Variants in PHF24 observed in about 807,000 individuals in gnomAD.
PHF24 encodes PHD finger protein 24, also known as Galpha inhibitory interacting protein.
PHF24 carries 25 observed loss-of-function variants against 42.6 expected under a neutral mutation model. The observed-to-expected ratio is 0.59, with a 90% CI of 0.43 to 0.82. PHF24 has a LOEUF of 0.82. Among genes scored for constraint, PHF24 ranks in the 40% least tolerant of loss-of-function variants. The probability of loss-of-function intolerance (pLI) is 0.00; values close to 1 mark genes in which losing one functional copy is unlikely to be tolerated. For missense variants in PHF24, 470 were observed against 538.1 expected, an observed-to-expected ratio of 0.87 and a Z score of 1.25; for synonymous variants, 185 against 204.8, an observed-to-expected ratio of 0.90 and a Z score of 0.83.
At chr9:34,766,208 TG>T in the PHF24 span, among the ~76,000 whole-genome samples, 163 of 152,330 alleles carry the variant, frequency 1.1e-3, 3 homozygotes, top group African/African-American at 3.8e-3. Context: ...ATGGTATCTT[TG>T]TGGTGTTCTC....
At chr9:34,768,253 C>A in the PHF24 span, among the ~76,000 whole-genome samples, 4 of 152,172 alleles carry the variant, frequency 2.6e-5, no homozygotes. Flanking sequence ...TAGGGCTATC[C>A]CATGCAAGCT....
chr9:34,766,599 C>T, the PHF24 span, among the ~76,000 whole-genome samples: 8 of 152,154 alleles, frequency 5.3e-5, no homozygotes, highest in African/African-American at 1.7e-4. Flanking sequence ...GTTATACATT[C>T]GTCTAAATTT....
At chr9:34,936,937 G>GTGGGGGTC in the PHF24 span, among the ~76,000 whole-genome samples, 1 of 148,744 alleles carries the variant, frequency 6.7e-6, no homozygotes, top group African/African-American at 2.5e-5. Flanking sequence ...GGGAAGTGAG[G>GTGGGGGTC]AGCGTCTCCA....
the PHF24 span, among the ~76,000 whole-genome samples, chr9:34,722,798 A>G: frequency 6.6e-6 from 1 of 152,316 alleles, no homozygotes; most frequent in South Asian, 2.1e-4. Context: ...ACTATGCATT[A>G]GCCACTCTCC....
the PHF24 span, among the ~76,000 whole-genome samples, chr9:34,810,026 G>A: frequency 6.6e-5 from 10 of 151,126 alleles, no homozygotes; most frequent in African/African-American, 1.5e-4. Flanking sequence ...CGCCGCCGCC[G>A]CCGCCCACGC....
the PHF24 span, chr9:34,689,749 G>A: frequency 1.3e-5 from 21 of 1,584,094 alleles, no homozygotes; most frequent in East Asian, 2.2e-5. The surrounding 1 kb of genome is among the most constrained non-coding windows in gnomAD (Gnocchi z 4.1). Context: ...TCTGGTCCTC[G>A]GTTCCCCAGG....
chr9:34,689,667 C>T, the PHF24 span: 10 of 836,090 alleles, frequency 1.2e-5, no homozygotes, highest in East Asian at 1.9e-4. This position sits in a 1 kb window ranked among gnomAD's most constrained non-coding sequence, Gnocchi z 4.1. Context: ...CACACTCACA[C>T]TCACACACAC....
chr9:34,946,995 C>T, the PHF24 span, among the ~76,000 whole-genome samples: 74 of 152,286 alleles, frequency 4.9e-4, no homozygotes, highest in Non-Finnish European at 7.6e-4. Flanking sequence ...CAATTCTTTT[C>T]TCCTCTTCTT....
chr9:34,748,365 TG>T, the PHF24 span, among the ~76,000 whole-genome samples: 24 of 152,258 alleles, frequency 1.6e-4, no homozygotes, highest in African/African-American at 5.1e-4. Flanking sequence ...GATTGGATCA[TG>T]GGGGCAGATT....
chr9:34,704,947 A>G, the PHF24 span, among the ~76,000 whole-genome samples: 707 of 152,334 alleles, frequency 4.6e-3, 3 homozygotes, highest in Non-Finnish European at 6.6e-3. Flanking sequence ...AAAGCAATAA[A>G]TTGCTTCTGT....
At chr9:34,947,092 T>C in the PHF24 span, among the ~76,000 whole-genome samples, 2 of 152,238 alleles carry the variant, frequency 1.3e-5, no homozygotes, top group African/African-American at 4.8e-5. Flanking sequence ...AGTATTGTAC[T>C]TCCTTGTCAC....
chr9:34,968,375 T>C (rs1186317815), intron 1 of PHF24, among the ~76,000 whole-genome samples: 1 of 152,266 alleles, frequency 6.6e-6, no homozygotes, highest in Non-Finnish European at 1.5e-5. Context: ...ATGAATACCC[T>C]AAATGATTTC....
At chr9:34,723,098 T>A in the PHF24 span, 5 of 1,093,170 alleles carry the variant, frequency 4.6e-6, no homozygotes, top group Non-Finnish European at 6.4e-6. Context: ...CTGTCCCACC[T>A]GCACATTTAT....
chr9:34,904,776 G>T, the PHF24 span, among the ~76,000 whole-genome samples: 1 of 4,012 alleles, frequency 2.5e-4, no homozygotes, highest in Admixed American at 2.1e-3. Flanking sequence ...TCTCTGTCTT[G>T]TGGAATAGTG....
chr9:34,924,829 T>G, the PHF24 span, among the ~76,000 whole-genome samples: 2 of 152,200 alleles, frequency 1.3e-5, no homozygotes, highest in East Asian at 3.8e-4. Flanking sequence ...TTTCTGGTTG[T>G]TTTGTATATC....
At chr9:34,855,529 T>C in the PHF24 span, among the ~76,000 whole-genome samples, 1 of 152,240 alleles carries the variant, frequency 6.6e-6, no homozygotes, top group Non-Finnish European at 1.5e-5. Flanking sequence ...CTCCTTTGCT[T>C]ATGAAGCTTA....
chr9:34,838,420 A>G, the PHF24 span: 21 of 1,287,462 alleles, frequency 1.6e-5, no homozygotes, highest in Non-Finnish European at 2.2e-5. Context: ...GATAATTACA[A>G]TAACGATGAA....
chr9:34,700,078 G>C, the PHF24 span, among the ~76,000 whole-genome samples: 5 of 152,150 alleles, frequency 3.3e-5, no homozygotes, highest in Non-Finnish European at 1.5e-5. Context: ...AGAGAAAACA[G>C]CAAGGGCAAA....
chr9:34,898,046 T>TAC, the PHF24 span, among the ~76,000 whole-genome samples: 3 of 152,214 alleles, frequency 2.0e-5, no homozygotes, highest in Non-Finnish European at 4.4e-5. Context: ...CATATATATA[T>TAC]ACCACAGTTT....
Sources: allele counts gnomAD v4.1 joint callset (sites outside exome capture counted in the v4.1 genomes callset), GRCh38; gene constraint gnomAD v4.1.1; non-coding constraint Gnocchi (gnomAD v3.1); transcripts MANE v1.5; gene names NCBI Gene and HGNC (gene_info 2026-07-23, HGNC 2026-07-21).